The following SPIN1 variants were observed in gnomAD, a reference collection of about 807,000 sequenced individuals.
SPIN1 encodes spindlin-1.
Under a neutral mutation model 26.0 loss-of-function variants are expected in SPIN1, and 3 were observed. The ratio of observed to expected loss-of-function variants is 0.12; its 90% confidence interval spans 0.05 to 0.30. SPIN1 has a LOEUF of 0.30. Ranked by LOEUF, SPIN1 falls within the 10% of genes least tolerant of loss-of-function variation. SPIN1 has a pLI of 1.00. For synonymous variants in SPIN1, 101 were observed against 116.5 expected (o/e 0.87, Z 0.86); for missense variants, 126 against 333.4 (o/e 0.38, Z 4.84).
chr9:88,446,451 A>G (rs576519441), intron 2 of SPIN1, among the ~76,000 whole-genome samples: 3 of 149,566 alleles, frequency 2.0e-5, no homozygotes, highest in African/African-American at 5.0e-5. Flanking sequence ...TTGTTGCCCA[A>G]GCTGGAGTGC....
chr9:88,425,869 CT>C (rs765618783), intron 1 of SPIN1, among the ~76,000 whole-genome samples: 2 of 152,136 alleles, frequency 1.3e-5, no homozygotes, highest in Non-Finnish European at 2.9e-5. Flanking sequence ...GCCTGCTGAT[CT>C]TCAGCCTTGC....
chr9:88,466,115 A>T (rs561192697), intron 4 of SPIN1, among the ~76,000 whole-genome samples: 1 of 152,224 alleles, frequency 6.6e-6, no homozygotes, highest in Non-Finnish European at 1.5e-5. Context: ...GGCATTATCT[A>T]TGTAAACAGA....
chr9:88,460,969 C>T (rs1019285141), intron 3 of SPIN1, among the ~76,000 whole-genome samples: 2 of 152,202 alleles, frequency 1.3e-5, no homozygotes, highest in African/African-American at 4.8e-5. Flanking sequence ...TTTTTGAGGC[C>T]TGCTCCTGCC....
chr9:88,468,254 T>G, intron 4 of SPIN1, 118 bp from the exon 5 acceptor site: 5 of 648,982 alleles, frequency 7.7e-6, no homozygotes, highest in Non-Finnish European at 1.2e-5. Context: ...TTCTGATGCT[T>G]GCTAATACGT....
chr9:88,396,747 T>C (rs1379922507), intron 1 of SPIN1, among the ~76,000 whole-genome samples: 1 of 152,152 alleles, frequency 6.6e-6, no homozygotes, highest in Non-Finnish European at 1.5e-5. Flanking sequence ...AACCTCGTTG[T>C]GTACCTCATA....
At chr9:88,445,226 C>T (rs1828222298) in intron 2 of SPIN1, among the ~76,000 whole-genome samples, 1 of 151,916 alleles carries the variant, frequency 6.6e-6, no homozygotes, top group African/African-American at 2.4e-5. Context: ...TCTTTTCTGA[C>T]CTCCTTCCAT....
chr9:88,469,874 A>G (rs939574160), intron 5 of SPIN1, among the ~76,000 whole-genome samples: 6 of 152,208 alleles, frequency 3.9e-5, no homozygotes, highest in African/African-American at 1.4e-4. Flanking sequence ...GCATTTCTGT[A>G]CTTTTTAATA....
intron 1 of SPIN1, among the ~76,000 whole-genome samples, chr9:88,394,108 C>A (rs1826998878): frequency 6.6e-6 from 1 of 152,224 alleles, no homozygotes. Context: ...CTCAGCCTCC[C>A]AAAGTGCTGG....
intron 2 of SPIN1, among the ~76,000 whole-genome samples, chr9:88,443,162 A>G (rs771033173): frequency 2.0e-5 from 3 of 150,802 alleles, no homozygotes; most frequent in Non-Finnish European, 4.4e-5. Flanking sequence ...TTTGCTTTAC[A>G]TTGATTCTAT....
chr9:88,431,225 A>G (rs1276213382), intron 2 of SPIN1, among the ~76,000 whole-genome samples: 1 of 150,180 alleles, frequency 6.7e-6, no homozygotes, highest in Non-Finnish European at 1.5e-5. Context: ...GGTACAAGGA[A>G]TGTTAGTCAT....
intron 3 of SPIN1, among the ~76,000 whole-genome samples, chr9:88,454,748 C>T (rs1354815486): frequency 2.0e-5 from 3 of 152,152 alleles, no homozygotes; most frequent in Admixed American, 2.0e-4. Context: ...TTATTAACAG[C>T]TTCCATATTT....
rs147032438 is a variant in SPIN1 at position 88,399,819 on chromosome 9, T to C, written c.-159+11281T>C. Among the ~76,000 whole-genome samples the C allele has an allele frequency of 2.7e-3, 413 of 152,314 alleles. 2 individuals carry two copies. Among genetic ancestry groups the C allele is most frequent in the African/African-American group, 9.2e-3 (383 of 41,574 alleles). Reference sequence around the variant, plus strand: ...CAAGTTCAAACCATACAAAGCAGAATGATCAGCTCAGGCTTTTAAATTTTT... The same window carrying C: ...CAAGTTCAAACCATACAAAGCAGAACGATCAGCTCAGGCTTTTAAATTTTT... On this transcript the variant is annotated intron_variant, in intron 1 of 5. Transcript: ENST00000375859.
At chr9:88,432,375 A>T (rs1001850762) in intron 2 of SPIN1, among the ~76,000 whole-genome samples, 1 of 151,990 alleles carries the variant, frequency 6.6e-6, no homozygotes, top group African/African-American at 2.4e-5. Flanking sequence ...TTTAGTAGAG[A>T]CAGGGTTTCA....
intron 2 of SPIN1, among the ~76,000 whole-genome samples, chr9:88,439,350 G>A (rs970996918): frequency 2.0e-5 from 3 of 152,182 alleles, no homozygotes; most frequent in Non-Finnish European, 4.4e-5. Context: ...CACATGGGTT[G>A]AGCTAGTGAC....
intron 1 of SPIN1, among the ~76,000 whole-genome samples, chr9:88,395,637 G>A (rs1037894975): frequency 6.6e-6 from 1 of 151,954 alleles, no homozygotes; most frequent in African/African-American, 2.4e-5. Flanking sequence ...TTGTAGAGAT[G>A]AGGTCTCACA....
intron 1 of SPIN1, among the ~76,000 whole-genome samples, chr9:88,401,078 G>A (rs1394158527): frequency 1.3e-5 from 2 of 152,128 alleles, no homozygotes; most frequent in Non-Finnish European, 2.9e-5. Flanking sequence ...ATTGTTGGTG[G>A]AACTGTACTT....
At chr9:88,428,233 G>C (rs1827799515) in intron 2 of SPIN1, among the ~76,000 whole-genome samples, 1 of 152,002 alleles carries the variant, frequency 6.6e-6, no homozygotes, top group Admixed American at 6.5e-5. Context: ...TTGTTACAAG[G>C]GTATATTGTA....
At chr9:88,441,784 ATATTATATTTT>A (rs939928935) in intron 2 of SPIN1, among the ~76,000 whole-genome samples, 43 of 148,734 alleles carry the variant, frequency 2.9e-4, no homozygotes, top group Admixed American at 1.7e-3. Flanking sequence ...AAAAGTTTTT[ATATTATATTTT>A]TATTATATTT....
chr9:88,477,898 A>C lies in SPIN1; in HGVS notation c.*2621A>C, dbSNP rs1020869970. On this transcript the variant is annotated 3_prime_UTR_variant, in exon 6 of 6. Coordinates refer to ENST00000375859, the MANE Select transcript of SPIN1 (RefSeq NM_006717.3). ...GTAAAACTTCAGAGAAAAATCTTAAAAGCAGACCATCCTTTTTTGCATGCT... is the reference window on the plus strand; with the variant it reads ...GTAAAACTTCAGAGAAAAATCTTAACAGCAGACCATCCTTTTTTGCATGCT... 9 of 152,174 alleles carry C rather than the reference A, an allele frequency of 5.9e-5. No homozygotes were observed. The highest frequency in any genetic ancestry group is 1.7e-4 in the African/African-American group (7 of 41,436). The allele number at this position is 152,174 out of a possible 1,614,324, so 9.4% of individuals were successfully genotyped here.
Sources: allele counts gnomAD v4.1 joint callset (sites outside exome capture counted in the v4.1 genomes callset), GRCh38; gene constraint gnomAD v4.1.1; transcripts MANE v1.5; gene names NCBI Gene and HGNC (gene_info 2026-07-23, HGNC 2026-07-21).